BDP1: variants seen among roughly 807,000 people sequenced by gnomAD.
The protein encoded by BDP1 is transcription factor TFIIIB component B'' homolog.
BDP1 carries 169 observed loss-of-function variants against 266.6 expected under a neutral mutation model. That is an observed-to-expected ratio of 0.63 (90% CI 0.56 to 0.72). The LOEUF is 0.72. BDP1 is among the 30% of genes least tolerant of loss of function. The pLI, the probability that BDP1 is intolerant of heterozygous loss-of-function variation, is 0.00. For missense variants in BDP1, 3,015 were observed against 3,053.8 expected (o/e 0.99, Z 0.30); for synonymous variants, 1,090 against 1,022.4 (o/e 1.07, Z -1.26).
chr5:71,569,172 T>G (rs916108318), downstream of BDP1, among the ~76,000 whole-genome samples: 2 of 152,248 alleles, frequency 1.3e-5, no homozygotes, highest in Non-Finnish European at 2.9e-5. Flanking sequence ...AAAGTTTCTG[T>G]GTCCAAGTGG....
At chr5:71,541,380 T>C in intron 28 of BDP1, 74 bp from the exon 29 acceptor site, 1 of 619,916 alleles carries the variant, frequency 1.6e-6, no homozygotes, top group Non-Finnish European at 2.7e-6. Flanking sequence ...TTACAATTAC[T>C]AAATGTTGAG....
Position 71,565,592 on chromosome 5 carries a change from T to C in BDP1, c.*707T>C, listed in dbSNP as rs954660833. On this transcript the variant is annotated 3_prime_UTR_variant, in exon 39 of 39. Transcript: ENST00000358731. ...TTTGTAGCCGAGGAGCAATAGGCTA[T>C]ACCACATAGCCTCAGTCTGTACGGT... is the stretch of plus-strand genomic sequence containing the variant. 1 of 152,600 alleles carries C rather than the reference T, an allele frequency of 6.6e-6. No homozygotes were observed. Among genetic ancestry groups the C allele is most frequent in the African/African-American group, 2.4e-5 (1 of 41,464 alleles). 9.5% of individuals were successfully genotyped at this position (152,600 alleles called of 1,614,324 possible).
chr5:71,515,797 C>T (rs1276608641), intron 20 of BDP1, among the ~76,000 whole-genome samples: 1 of 152,108 alleles, frequency 6.6e-6, no homozygotes, highest in Non-Finnish European at 1.5e-5. Context: ...CATTCTCCTC[C>T]TCTTCCAGCT....
intron 4 of BDP1, among the ~76,000 whole-genome samples, chr5:71,464,722 T>TTTC (rs1761793640): frequency 7.3e-6 from 1 of 136,696 alleles, no homozygotes; most frequent in African/African-American, 2.7e-5. Context: ...TTAGTTTTTT[T>TTTC]TTTTTTTTTT....
intron 9 of BDP1, among the ~76,000 whole-genome samples, chr5:71,487,026 G>A (rs1276781508): frequency 1.3e-5 from 2 of 152,142 alleles, no homozygotes; most frequent in Non-Finnish European, 2.9e-5. Context: ...TTGGTTGAGC[G>A]TAACTTATTT....
intron 38 of BDP1, among the ~76,000 whole-genome samples, chr5:71,563,563 A>G (rs898878064): frequency 6.6e-6 from 1 of 151,346 alleles, no homozygotes; most frequent in Non-Finnish European, 1.5e-5. Context: ...GACATTTTTT[A>G]TTTCTGTTTA....
In BDP1 at chr5:71,532,318, CTGTG is replaced by C; in HGVS notation, c.5784_5787del (p.Val1929MetfsTer5). ...ACTTTATTTTGACAGCTTGAAATAACTGTGAATGTCCCAGATGTAGGATGCATAG... is the reference window on the plus strand; with the variant it reads ...ACTTTATTTTGACAGCTTGAAATAACAATGTCCCAGATGTAGGATGCATAG... On this transcript the variant is annotated frameshift_variant, in exon 26 of 39. Coordinates refer to ENST00000358731, the MANE Select transcript of BDP1 (RefSeq NM_018429.3). LOFTEE classifies it high-confidence loss of function. 1.2e-6 allele frequency: 2 copies of C among 1,613,070 alleles called. No individual in the cohort carries two copies. The highest frequency in any genetic ancestry group is 2.7e-5 in the African/African-American group (2 of 75,014).
chr5:71,469,329 G>T (rs1762096604), intron 6 of BDP1, among the ~76,000 whole-genome samples: 1 of 151,848 alleles, frequency 6.6e-6, no homozygotes, highest in South Asian at 2.1e-4. Context: ...AGTAGAGACG[G>T]GGTTTCACCA....
Position 71,511,128 on chromosome 5 carries a change from G to T in BDP1, c.4036G>T (p.Ala1346Ser). The T allele has an allele frequency of 6.2e-7, 1 of 1,611,624 alleles. No individual in the cohort carries two copies. Among genetic ancestry groups the T allele is most frequent in the Non-Finnish European group, 8.5e-7 (1 of 1,179,016 alleles). The change falls in exon 17 of 39, where the codon GCT (alanine) becomes TCT (serine). Residue 1346 changes from alanine to serine, a missense_variant. Physicochemically the swap from Ala to Ser is moderately conservative, Grantham distance 99. This residue lies in a region of BDP1 where 2,383 missense variants were observed against 2,404.9 expected (regional missense o/e 0.99). Transcript: ENST00000358731. Reference protein sequence around the residue: ...LMQSGSNDFSAVPSLDIQNIS... With the variant: ...LMQSGSNDFSSVPSLDIQNIS... ...GCAGAGCGGTAGCAATGACTTCAGT[G>T]CTGTGCCTTCACTAGATATTCAGGT... is the stretch of plus-strand genomic sequence containing the variant.
intron 36 of BDP1, among the ~76,000 whole-genome samples, chr5:71,559,374 C>G (rs987141176): frequency 1.3e-5 from 2 of 152,156 alleles, no homozygotes; most frequent in Admixed American, 6.5e-5. Context: ...TAGGTTGTTT[C>G]TTTTAGCAGG....
intron 5 of BDP1, 31 bp downstream of exon 5, chr5:71,466,252 G>C: frequency 6.2e-7 from 1 of 1,612,590 alleles, no homozygotes. Flanking sequence ...GTGAGATTGT[G>C]GTTACATGAG....
chr5:71,497,745 C>T (rs987031926), intron 13 of BDP1, among the ~76,000 whole-genome samples: 2 of 152,172 alleles, frequency 1.3e-5, no homozygotes, highest in Non-Finnish European at 2.9e-5. Context: ...CATCTACACA[C>T]AGGCAGTCTC....
chr5:71,510,487 C>T lies in BDP1; in HGVS notation c.3395C>T (p.Pro1132Leu). ...GREISPREKT[P>L]EVIDATEEID... is the part of the protein sequence containing the mutation. Reference sequence around the variant, plus strand: ...GAGATTTCCCCAAGGGAGAAGACACCAGAGGTGATTGATGCCACTGAGGAA... The same window carrying T: ...GAGATTTCCCCAAGGGAGAAGACACTAGAGGTGATTGATGCCACTGAGGAA... The change falls in exon 17 of 39, where the codon CCA becomes CTA. Residue 1132 changes from proline (P) to leucine (L), a missense_variant. This residue lies in a region of BDP1 where 2,383 missense variants were observed against 2,404.9 expected (regional missense o/e 0.99). Coordinates refer to ENST00000358731, the MANE Select transcript of BDP1 (RefSeq NM_018429.3). 2 of 1,612,920 alleles carry T rather than the reference C, an allele frequency of 1.2e-6. No homozygotes were observed. The highest frequency in any genetic ancestry group is 1.7e-6 in the Non-Finnish European group (2 of 1,179,750).
Position 71,532,295 on chromosome 5 carries a change from T to A in BDP1, c.5773-13T>A. On this transcript the variant is annotated splice_polypyrimidine_tract_variant and intron_variant, in intron 25 of 38. Transcript: ENST00000358731. Reference sequence around the variant, plus strand: ...ATATGCCAAAATGAAATGATAAAACTTTATTTTGACAGCTTGAAATAACTG... The same window carrying A: ...ATATGCCAAAATGAAATGATAAAACATTATTTTGACAGCTTGAAATAACTG... The A allele has an allele frequency of 6.2e-7, 1 of 1,611,406 alleles. No homozygotes were observed. Among genetic ancestry groups the A allele is most frequent in the Non-Finnish European group, 8.5e-7 (1 of 1,178,722 alleles).
At position 71,501,673 on chromosome 5, in the gene BDP1, TAAAAAAAAAA is replaced by T; in HGVS notation, c.2048+31_2048+40del. The T allele has an allele frequency of 3.7e-6, 2 of 544,678 alleles. No homozygotes were observed. The highest frequency in any genetic ancestry group is 6.0e-6 in the Non-Finnish European group (2 of 335,092). The allele number at this position is 544,678 out of a possible 1,614,324, so 33.7% of individuals were successfully genotyped here. On this transcript the variant is annotated intron_variant, in intron 14 of 38. Transcript: ENST00000358731. ...ATCTGTGTGAGTATTCAGGAAGTAG[TAAAAAAAAAA>T]AAAAAAAAAAGTAACTCTTAGGAAT...
intron 22 of BDP1, among the ~76,000 whole-genome samples, chr5:71,518,835 CTT>C (rs35834219): frequency 7.9e-4 from 102 of 128,598 alleles, no homozygotes; most frequent in Admixed American, 1.1e-3. Context: ...GTATGGATTA[CTT>C]TTTTTTTTTT....
rs564378185 is a variant in BDP1 at position 71,456,145 on chromosome 5, C to T, written c.212+56C>T. ...TTGTCCCGCCTCTCCGGGCATGTCACCTGGAAGCTGAGCAAATGAATTTTA... is the reference window on the plus strand; with the variant it reads ...TTGTCCCGCCTCTCCGGGCATGTCATCTGGAAGCTGAGCAAATGAATTTTA... On this transcript the variant is annotated intron_variant, in intron 1 of 38. Transcript: ENST00000358731. 6 of 1,516,130 alleles carry T rather than the reference C, an allele frequency of 4.0e-6. No individual in the cohort carries two copies. The East Asian group carries it at 1.1e-4, about 29-fold the overall frequency. 93.9% of individuals were successfully genotyped at this position (1,516,130 alleles called of 1,614,324 possible).
intron 35 of BDP1, 125 bp downstream of exon 35, chr5:71,553,445 A>G (rs1742998283): frequency 4.9e-6 from 3 of 607,244 alleles, no homozygotes; most frequent in Non-Finnish European, 5.5e-6. Flanking sequence ...GATAGTTCTG[A>G]CATTTATCAT....
In BDP1 at chr5:71,522,939, AAACT is replaced by A. The variant is rs770298047; in HGVS notation, c.5381_5384del (p.Leu1794GlnfsTer7). On this transcript the variant is annotated frameshift_variant, in exon 24 of 39. Coordinates refer to ENST00000358731, the MANE Select transcript of BDP1 (RefSeq NM_018429.3). LOFTEE classifies it high-confidence loss of function. ...AGTTGTTGAAGAGCAATATCTCAAT[AAACT>A]AACAAGGTAACATTTTATTTAACAA... The A allele has an allele frequency of 1.9e-6, 3 of 1,581,648 alleles. No homozygotes were observed. Among genetic ancestry groups the A allele is most frequent in the Non-Finnish European group, 2.6e-6 (3 of 1,167,188 alleles).
Sources: allele counts gnomAD v4.1 joint callset (sites outside exome capture counted in the v4.1 genomes callset), GRCh38; gene constraint gnomAD v4.1.1; regional missense constraint gnomAD v4.1.1; transcripts MANE v1.5; gene names NCBI Gene and HGNC (gene_info 2026-07-23, HGNC 2026-07-21).